ATXN7: variants seen among roughly 807,000 people sequenced by gnomAD.
ATXN7 encodes ataxin 7.
In ATXN7, 12 loss-of-function variants were observed where a neutral mutation model predicts 70.5. That is an observed-to-expected ratio of 0.17 (90% CI 0.11 to 0.28). The LOEUF (loss-of-function observed/expected upper bound fraction) is 0.28, where lower values mean the gene tolerates loss of function less well. ATXN7 is among the 10% of genes least tolerant of loss of function. The pLI is 1.00. For synonymous variants in ATXN7, 498 were observed against 448.7 expected, an observed-to-expected ratio of 1.11 and a Z score of -1.39; for missense variants, 1,256 against 1,131.7, an observed-to-expected ratio of 1.11 and a Z score of -1.58.
At chr3:63,975,184 T>C (rs1055671612) in intron 5 of ATXN7, among the ~76,000 whole-genome samples, 1 of 152,222 alleles carries the variant, frequency 6.6e-6, no homozygotes, top group Non-Finnish European at 1.5e-5. Context: ...ACTGAAGATA[T>C]TTAATTCAGG....
intron 5 of ATXN7, among the ~76,000 whole-genome samples, chr3:63,955,830 T>C (rs1460984667): frequency 6.6e-6 from 1 of 152,214 alleles, no homozygotes; most frequent in Admixed American, 6.5e-5. Flanking sequence ...AACAAATGAA[T>C]AGTTCCTACC....
At chr3:63,914,327 C>T (rs1704176956) in intron 4 of ATXN7, among the ~76,000 whole-genome samples, 1 of 152,098 alleles carries the variant, frequency 6.6e-6, no homozygotes, top group Non-Finnish European at 1.5e-5. Context: ...GCTTTTTGGC[C>T]TCTTGGCACT....
At chr3:63,967,852 C>T (rs2075251927) in intron 5 of ATXN7, 2 of 1,531,366 alleles carry the variant, frequency 1.3e-6, no homozygotes, top group Non-Finnish European at 1.7e-6. Context: ...TGGGCAGACC[C>T]AAATCATGAT....
chr3:63,887,536 A>C (rs1199546798), intron 1 of ATXN7, among the ~76,000 whole-genome samples: 2 of 152,112 alleles, frequency 1.3e-5, no homozygotes, highest in Non-Finnish European at 2.9e-5. Context: ...TTTCATTTTT[A>C]AATTATGTTT....
At chr3:63,934,386 T>C (rs2074619116) in intron 4 of ATXN7, among the ~76,000 whole-genome samples, 1 of 152,132 alleles carries the variant, frequency 6.6e-6, no homozygotes, top group Admixed American at 6.5e-5. Flanking sequence ...TTTTTGTTTA[T>C]GCTTATGGGA....
chr3:63,999,437 T>C lies in ATXN7; in HGVS notation c.2662-13T>C, dbSNP rs779584003. On this transcript the variant is annotated splice_polypyrimidine_tract_variant and intron_variant, in intron 12 of 12. Coordinates refer to ENST00000674280, the MANE Select transcript of ATXN7 (RefSeq NM_001377405.1). ...ACCATTTCATTATTTCCCCACCCCC[T>C]CTTTTTTGAAAGCCAAAGGCACGTC... 81 of 1,608,800 alleles carry C rather than the reference T, an allele frequency of 5.0e-5. No homozygotes were observed. In the East Asian group the frequency reaches 7.6e-4, roughly 15 times the overall value.
At position 63,944,923 on chromosome 3, in the gene ATXN7, C is replaced by T. The variant is rs574537322; in HGVS notation, c.395-7456C>T. On this transcript the variant is annotated intron_variant, in intron 4 of 12. Transcript: ENST00000674280. Reference sequence around the variant, plus strand: ...CCTCCTGCCTCAGCTTCCCAGGTAGCTGCAATTACAAGTGTAAACCACCAC... The same window carrying T: ...CCTCCTGCCTCAGCTTCCCAGGTAGTTGCAATTACAAGTGTAAACCACCAC... Among the ~76,000 whole-genome samples, 3 of 152,250 alleles carry T rather than the reference C, an allele frequency of 2.0e-5. No homozygotes were observed. In the East Asian group the frequency reaches 5.8e-4, roughly 29 times the overall value.
intron 6 of ATXN7, 69 bp from the exon 7 acceptor site, chr3:63,982,117 T>A: frequency 6.2e-7 from 1 of 1,602,616 alleles, no homozygotes; most frequent in East Asian, 2.2e-5. Context: ...CTCATCCCTC[T>A]GGCTCACCAT....
intron 1 of ATXN7, among the ~76,000 whole-genome samples, chr3:63,882,522 A>G (rs1203944040): frequency 6.6e-6 from 1 of 151,746 alleles, no homozygotes; most frequent in Non-Finnish European, 1.5e-5. Flanking sequence ...GTAGTTGGGA[A>G]TGTAGACATG....
intron 11 of ATXN7, among the ~76,000 whole-genome samples, chr3:63,992,358 A>T (rs940538887): frequency 2.0e-5 from 3 of 152,214 alleles, no homozygotes; most frequent in Non-Finnish European, 4.4e-5. Context: ...TAGACACAGA[A>T]TCAGGGGACT....
intron 1 of ATXN7, among the ~76,000 whole-genome samples, chr3:63,881,214 CA>C (rs1283951273): frequency 2.0e-5 from 3 of 151,514 alleles, no homozygotes; most frequent in Non-Finnish European, 4.4e-5. Context: ...CTGTTTAATT[CA>C]AAAAAATGGA....
Position 63,995,670 on chromosome 3 carries a change from A to C in ATXN7, c.1848A>C (p.Lys616Asn). ...LSSTCISPNS[K>N]SVPAHGTTLN... ...CTACCTGCATCTCCCCAAATAGCAAATCGGTACCAGCTCATGGAACCACAC... is the reference window on the plus strand; with the variant it reads ...CTACCTGCATCTCCCCAAATAGCAACTCGGTACCAGCTCATGGAACCACAC... The change falls in exon 12 of 13, where the codon AAA becomes AAC. Residue 616 changes from lysine (K) to asparagine (N), a missense_variant. By Grantham distance (94) the Lys-to-Asn change is moderately conservative. Coordinates refer to ENST00000674280, the MANE Select transcript of ATXN7 (RefSeq NM_001377405.1). The C allele has an allele frequency of 6.2e-7, 1 of 1,614,144 alleles. No individual in the cohort carries two copies. Among genetic ancestry groups the C allele is most frequent in the Non-Finnish European group, 8.5e-7 (1 of 1,180,034 alleles).
In ATXN7 at chr3:63,980,296, T is replaced by C. The variant is rs550436559; in HGVS notation, c.752+129T>C. Reference sequence around the variant, plus strand: ...CTTGGGGAAGAATTCAAATGTATGTTGTATTGTTTCTTGATGTTTCCCTGT... The same window carrying C: ...CTTGGGGAAGAATTCAAATGTATGTCGTATTGTTTCTTGATGTTTCCCTGT... On this transcript the variant is annotated intron_variant, in intron 6 of 12. Coordinates refer to ENST00000674280, the MANE Select transcript of ATXN7 (RefSeq NM_001377405.1). 2.3e-6 allele frequency: 3 copies of C among 1,289,050 alleles called. No homozygotes were observed. In the South Asian group the frequency reaches 4.4e-5, roughly 19 times the overall value. The allele number at this position is 1,289,050 out of a possible 1,614,324, so 79.9% of individuals were successfully genotyped here.
At chr3:63,878,294 G>A (rs1702803469) in intron 1 of ATXN7, among the ~76,000 whole-genome samples, 1 of 152,186 alleles carries the variant, frequency 6.6e-6, no homozygotes, top group African/African-American at 2.4e-5. Context: ...GGAGAAGTAG[G>A]AGGCAGTGGC....
In ATXN7 at chr3:63,973,208, A is replaced by T. The variant is rs150632546; in HGVS notation, c.500-6707A>T. Among the ~76,000 whole-genome samples the T allele has an allele frequency of 2.1e-3, 326 of 152,248 alleles. 2 individuals are homozygous for T. The highest frequency in any genetic ancestry group is 6.0e-3 in the Admixed American group (92 of 15,298). On this transcript the variant is annotated intron_variant, in intron 5 of 12. Transcript: ENST00000674280. Reference sequence around the variant, plus strand: ...TCTTGCCCTTTTCAGGTAATCTTTTAAAAAGTGTTTTTATTTGATTTGGAT... The same window carrying T: ...TCTTGCCCTTTTCAGGTAATCTTTTTAAAAGTGTTTTTATTTGATTTGGAT...
At chr3:63,894,403 A>G (rs1180421300) in intron 1 of ATXN7, among the ~76,000 whole-genome samples, 1 of 152,200 alleles carries the variant, frequency 6.6e-6, no homozygotes, top group Non-Finnish European at 1.5e-5. Context: ...GGACTTTTCC[A>G]TTTGCAGTGA....
chr3:63,982,994 G>T lies in ATXN7; in HGVS notation c.1068G>T (p.Lys356Asn), dbSNP rs2075515068. Residue 356 changes from lysine to asparagine, a missense_variant, in exon 8 of 13, where the codon AAG becomes AAT. Coordinates refer to ENST00000674280, the MANE Select transcript of ATXN7 (RefSeq NM_001377405.1). ...HCGVIDLDTKKPCTRSLTCKT... is the reference protein window; with the variant it reads ...HCGVIDLDTKNPCTRSLTCKT... ...GGGTTATTGATCTCGACACCAAGAA[G>T]CCCTGCACCCGGTCTTTGACATGCA... 1 of 1,613,966 alleles carries T rather than the reference G, an allele frequency of 6.2e-7. No homozygotes were observed. Among genetic ancestry groups the T allele is most frequent in the Admixed American group, 1.7e-5 (1 of 59,986 alleles).
chr3:63,972,068 G>A (rs182516461), intron 5 of ATXN7, among the ~76,000 whole-genome samples: 7 of 152,254 alleles, frequency 4.6e-5, no homozygotes, highest in Admixed American at 2.0e-4. Context: ...GTGTTTGGTG[G>A]CCTGGAAATG....
At chr3:63,881,325 G>GA (rs906158452) in intron 1 of ATXN7, among the ~76,000 whole-genome samples, 1 of 152,080 alleles carries the variant, frequency 6.6e-6, no homozygotes, top group African/African-American at 2.4e-5. Flanking sequence ...CCATTTTAGG[G>GA]AATCGGTATG....
Sources: gnomAD v4.1 joint callset for allele counts (sites outside exome capture counted in the v4.1 genomes callset) on GRCh38, gnomAD v4.1.1 for gene constraint, MANE v1.5 for transcripts, NCBI Gene and HGNC (gene_info 2026-07-23, HGNC 2026-07-21) for gene names.